The following WAPL variants were observed in gnomAD, a reference collection of about 807,000 sequenced individuals.
WAPL encodes the protein WAPL cohesin release factor.
WAPL carries 5 observed loss-of-function variants against 121.0 expected under a neutral mutation model. The observed-to-expected ratio is 0.04, with a 90% CI of 0.02 to 0.09. WAPL has a LOEUF of 0.09. WAPL is among the 10% of genes least tolerant of loss of function. The pLI is 1.00. For synonymous variants in WAPL, 480 were observed against 481.5 expected, an observed-to-expected ratio of 1.00 and a Z score of 0.04; for missense variants, 999 against 1,410.8, an observed-to-expected ratio of 0.71 and a Z score of 4.68.
At chr10:86,511,143 A>C (rs559213195) in intron 2 of WAPL, among the ~76,000 whole-genome samples, 1 of 152,282 alleles carries the variant, frequency 6.6e-6, no homozygotes, top group South Asian at 2.1e-4. Flanking sequence ...ATTCTTATTA[A>C]AAAGAAAATT....
intron 2 of WAPL, among the ~76,000 whole-genome samples, chr10:86,514,168 G>A (rs1842515133): frequency 6.6e-6 from 1 of 152,186 alleles, no homozygotes; most frequent in South Asian, 2.1e-4. Flanking sequence ...CAGACATAAT[G>A]CAAGAAAACA....
At chr10:86,449,237 T>C (rs753644148) in intron 15 of WAPL, among the ~76,000 whole-genome samples, 6 of 152,220 alleles carry the variant, frequency 3.9e-5, no homozygotes, top group African/African-American at 1.2e-4. Flanking sequence ...ACGTTATCAG[T>C]AGCATAAACG....
At chr10:86,459,846 TG>T (rs1841228844) in intron 11 of WAPL, among the ~76,000 whole-genome samples, 1 of 152,126 alleles carries the variant, frequency 6.6e-6, no homozygotes, top group Non-Finnish European at 1.5e-5. Flanking sequence ...CCCAGCAAAG[TG>T]TAACGCCTGT....
chr10:86,472,751 G>A lies in WAPL; in HGVS notation c.1754C>T (p.Ser585Leu). The A allele has an allele frequency of 6.2e-7, 1 of 1,612,492 alleles. No homozygotes were observed. The highest frequency in any genetic ancestry group is 1.1e-5 in the South Asian group (1 of 90,798). The change falls in exon 6 of 19, where the codon TCA (serine) becomes TTA (leucine). Residue 585 changes from serine to leucine, a missense_variant. Around this residue, in one of 7 missense-constraint regions of WAPL, gnomAD observed 74 missense variants for 115.1 expected, o/e 0.64. Coordinates refer to ENST00000298767, the MANE Select transcript of WAPL (RefSeq NM_015045.5). The surrounding 1 kb of genome is among the most constrained non-coding windows in gnomAD (Gnocchi z 4.2). ...KPQSVTVRLS[S>L]KEPNQKDDGV... Reference sequence around the variant, plus strand: ...ATCATCTTTTTGATTTGGTTCCTTTGAAGACAGCCTCACCTATTAATAAAG... The same window carrying A: ...ATCATCTTTTTGATTTGGTTCCTTTAAAGACAGCCTCACCTATTAATAAAG...
chr10:86,503,226 T>C (rs1015336017), intron 2 of WAPL, among the ~76,000 whole-genome samples: 3 of 152,118 alleles, frequency 2.0e-5, no homozygotes, highest in Non-Finnish European at 4.4e-5. Context: ...TCCCAGCACT[T>C]TGGGAGGCTG....
chr10:86,453,877 G>A (rs1406536346), intron 12 of WAPL, 46 bp from the exon 13 acceptor site: 1 of 1,342,118 alleles, frequency 7.5e-7, no homozygotes, highest in Non-Finnish European at 9.7e-7. Flanking sequence ...ATAATAATAG[G>A]TACACAGCAA....
intron 2 of WAPL, among the ~76,000 whole-genome samples, chr10:86,514,939 C>T (rs867208459): frequency 6.6e-6 from 1 of 152,152 alleles, no homozygotes; most frequent in African/African-American, 2.4e-5. Context: ...GCCCACCCAC[C>T]CCACACTGTA....
At position 86,497,264 on chromosome 10, in the gene WAPL, G is replaced by C. The variant is rs758157502; in HGVS notation, c.1581C>G (p.Pro527=). 7.4e-6 allele frequency: 12 copies of C among 1,612,762 alleles called. No homozygotes were observed. The highest frequency in any genetic ancestry group is 1.0e-5 in the Non-Finnish European group (12 of 1,179,700). The change falls in exon 4 of 19, where the codon CCC becomes CCG. Residue 527 remains proline (P), a synonymous_variant. Transcript: ENST00000298767. ...LPGVPESVKK[P]INKQGDKSKE... ...TTGATTTATCTCCTTGTTTATTTAT[G>C]GGCTTCTTCACACTTTCAGGCACAC...
At chr10:86,491,209 C>T (rs1257239394) in intron 4 of WAPL, among the ~76,000 whole-genome samples, 6 of 144,762 alleles carry the variant, frequency 4.1e-5, no homozygotes, top group African/African-American at 1.3e-4. Context: ...GCATGATCTC[C>T]GCTCACTGCA....
At chr10:86,454,171 C>T (rs1269720046) in intron 12 of WAPL, among the ~76,000 whole-genome samples, 1 of 152,176 alleles carries the variant, frequency 6.6e-6, no homozygotes, top group Non-Finnish European at 1.5e-5. Context: ...AATGTTATTA[C>T]TACATAACAA....
intron 13 of WAPL, 70 bp downstream of exon 13, chr10:86,453,585 GA>G (rs1841054508): frequency 1.3e-6 from 2 of 1,490,532 alleles, no homozygotes; most frequent in African/African-American, 1.4e-5. Flanking sequence ...AGGAAAAGGA[GA>G]AACAAAAATA....
At chr10:86,481,195 A>G (rs1049454795) in intron 4 of WAPL, among the ~76,000 whole-genome samples, 5 of 152,204 alleles carry the variant, frequency 3.3e-5, no homozygotes, top group Non-Finnish European at 7.4e-5. Flanking sequence ...TCAACATGTA[A>G]GAGAATGGAG....
In WAPL at chr10:86,491,255, TC is replaced by T. The variant is rs1198321695; in HGVS notation, c.1644+5945del. ...CCCGGGTTCGCGCCATTCTCCTGCC[TC>T]AGCCTCCCAAGTAGCTGGGACCACA... On this transcript the variant is annotated intron_variant, in intron 4 of 18. Coordinates refer to ENST00000298767, the MANE Select transcript of WAPL (RefSeq NM_015045.5). Among the ~76,000 whole-genome samples the T allele has an allele frequency of 2.0e-5, 3 of 146,850 alleles. No individual in the cohort carries two copies. In the East Asian group the frequency reaches 6.6e-4, roughly 32 times the overall value.
intron 2 of WAPL, among the ~76,000 whole-genome samples, chr10:86,505,191 G>GT (rs34790440): frequency 0.86 from 129,748 of 150,390 alleles, 56,474 homozygotes; most frequent in Non-Finnish European, 0.92. Flanking sequence ...ATTTTTTTAT[G>GT]TTTTTTTTAT....
At chr10:86,520,072 G>T (rs1016825654) in intron 1 of WAPL, among the ~76,000 whole-genome samples, 9 of 152,246 alleles carry the variant, frequency 5.9e-5, no homozygotes, top group African/African-American at 2.2e-4. Context: ...AAGACGGGCA[G>T]ATCACCTGAG....
At chr10:86,463,278 CAG>C (rs1196788057) in intron 9 of WAPL, among the ~76,000 whole-genome samples, 4 of 152,216 alleles carry the variant, frequency 2.6e-5, no homozygotes, top group Non-Finnish European at 5.9e-5. Context: ...TTGACAGAGC[CAG>C]AGAGTTTCAA....
At chr10:86,506,963 A>G (rs2132227147) in intron 2 of WAPL, among the ~76,000 whole-genome samples, 1 of 150,722 alleles carries the variant, frequency 6.6e-6, no homozygotes, top group Admixed American at 6.7e-5. Flanking sequence ...TTACTCCTCC[A>G]CCCTGTTATA....
chr10:86,477,315 T>C (rs958685919), intron 4 of WAPL, among the ~76,000 whole-genome samples: 4 of 152,198 alleles, frequency 2.6e-5, no homozygotes, highest in Non-Finnish European at 5.9e-5. Flanking sequence ...AACAGTGGTA[T>C]GTCACAGGCT....
At chr10:86,507,718 TG>T (rs1386225151) in intron 2 of WAPL, among the ~76,000 whole-genome samples, 4 of 147,352 alleles carry the variant, frequency 2.7e-5, no homozygotes, top group African/African-American at 1.0e-4. Context: ...GATAGCCCAC[TG>T]TTTTTTTTTT....
Sources: gnomAD v4.1 joint callset for allele counts (sites outside exome capture counted in the v4.1 genomes callset) on GRCh38, gnomAD v4.1.1 for gene constraint, gnomAD v4.1.1 regional missense constraint, Gnocchi (gnomAD v3.1) non-coding constraint, MANE v1.5 for transcripts, NCBI Gene and HGNC (gene_info 2026-07-23, HGNC 2026-07-21) for gene names.